The following TENM2 variants were observed in gnomAD, a reference collection of about 807,000 sequenced individuals.
TENM2 encodes the protein teneurin transmembrane protein 2.
TENM2 carries 52 observed loss-of-function variants against 245.2 expected under a neutral mutation model. The ratio of observed to expected loss-of-function variants is 0.21; its 90% CI spans 0.17 to 0.27. The LOEUF (loss-of-function observed/expected upper bound fraction) is 0.27. TENM2 is among the 10% of genes least tolerant of loss of function. The pLI is 1.00. For missense variants in TENM2, 3,046 were observed against 3,666.8 expected (o/e 0.83, Z 4.37); for synonymous variants, 1,363 against 1,438.9 (o/e 0.95, Z 1.19).
At chr5:167,132,589 C>T in the TENM2 span, among the ~76,000 whole-genome samples, 5 of 152,090 alleles carry the variant, frequency 3.3e-5, no homozygotes, top group East Asian at 1.9e-4. Context: ...ATCAGGAAGG[C>T]GGAAGAAGTC....
chr5:167,166,334 A>G, the TENM2 span, among the ~76,000 whole-genome samples: 3 of 152,118 alleles, frequency 2.0e-5, no homozygotes, highest in African/African-American at 7.2e-5. Context: ...CAATGCCTAC[A>G]TATTTGGTTT....
chr5:167,379,627 C>G (rs1378636890), intron 2 of TENM2, among the ~76,000 whole-genome samples: 1 of 152,076 alleles, frequency 6.6e-6, no homozygotes, highest in African/African-American at 2.4e-5. Flanking sequence ...ATAACCCACT[C>G]TACTCCTTTC....
intron 2 of TENM2, among the ~76,000 whole-genome samples, chr5:167,775,167 C>T (rs140698012): frequency 0.016 from 2,413 of 152,220 alleles, 71 homozygotes; most frequent in East Asian, 0.14. Flanking sequence ...GGGGTTTCTC[C>T]ATGTTGGCCA....
intron 2 of TENM2, among the ~76,000 whole-genome samples, chr5:167,472,129 G>A (rs1767065760): frequency 6.6e-6 from 1 of 151,980 alleles, no homozygotes; most frequent in Non-Finnish European, 1.5e-5. Flanking sequence ...GACACTTCCT[G>A]CAATTTTTGT....
At chr5:167,028,425 A>C in the TENM2 span, among the ~76,000 whole-genome samples, 1 of 152,072 alleles carries the variant, frequency 6.6e-6, no homozygotes, top group Non-Finnish European at 1.5e-5. Flanking sequence ...AGAGATAGTA[A>C]TTTAATGTTG....
At chr5:168,207,140 A>C (rs968997183) in intron 19 of TENM2, among the ~76,000 whole-genome samples, 1 of 152,088 alleles carries the variant, frequency 6.6e-6, no homozygotes, top group Non-Finnish European at 1.5e-5. Context: ...CCTTGTTGTC[A>C]TTATCTCCAT....
the TENM2 span, among the ~76,000 whole-genome samples, chr5:166,982,360 T>C: frequency 6.6e-6 from 1 of 152,198 alleles, no homozygotes. Flanking sequence ...TGCTATTTTT[T>C]CATTGTGCAA....
intron 2 of TENM2, among the ~76,000 whole-genome samples, chr5:167,705,469 T>C (rs990766066): frequency 1.3e-5 from 2 of 152,204 alleles, no homozygotes; most frequent in Admixed American, 1.3e-4. Context: ...ATGATTAACC[T>C]GTGGCTGTAT....
intron 4 of TENM2, among the ~76,000 whole-genome samples, chr5:167,970,188 G>A (rs868054716): frequency 2.6e-5 from 4 of 152,148 alleles, no homozygotes; most frequent in Admixed American, 1.3e-4. Flanking sequence ...ATAAGAAGTC[G>A]AAAAAATTAA....
intron 2 of TENM2, among the ~76,000 whole-genome samples, chr5:167,845,628 C>G (rs1442409694): frequency 6.6e-6 from 1 of 152,026 alleles, no homozygotes; most frequent in Non-Finnish European, 1.5e-5. Context: ...AATATGTACC[C>G]CACTGAAGGC....
intron 2 of TENM2, among the ~76,000 whole-genome samples, chr5:167,592,148 G>A (rs374970875): frequency 1.3e-5 from 2 of 152,172 alleles, no homozygotes; most frequent in Non-Finnish European, 2.9e-5. Context: ...GAATTAAAAC[G>A]ATATCAAAGT....
At chr5:167,649,522 AAC>A (rs150826052) in intron 2 of TENM2, among the ~76,000 whole-genome samples, 5 of 152,054 alleles carry the variant, frequency 3.3e-5, no homozygotes, top group African/African-American at 7.2e-5. Context: ...GAAAAAGAAA[AAC>A]ACACACACAC....
At chr5:167,588,160 C>A (rs757557243) in intron 2 of TENM2, among the ~76,000 whole-genome samples, 4 of 152,184 alleles carry the variant, frequency 2.6e-5, no homozygotes, top group Non-Finnish European at 4.4e-5. Flanking sequence ...CATGAACGTG[C>A]AACATAACTG....
intron 2 of TENM2, among the ~76,000 whole-genome samples, chr5:167,765,748 C>T (rs925903315): frequency 6.6e-6 from 1 of 152,188 alleles, no homozygotes; most frequent in African/African-American, 2.4e-5. Context: ...GCCGAAGATG[C>T]ACAGAGCCTG....
intron 2 of TENM2, among the ~76,000 whole-genome samples, chr5:167,831,443 G>A (rs1768476350): frequency 1.3e-5 from 2 of 148,332 alleles, no homozygotes; most frequent in South Asian, 2.1e-4. Context: ...GAAAGAAGAC[G>A]ACCACCAAGC....
intron 2 of TENM2, among the ~76,000 whole-genome samples, chr5:167,725,859 T>C (rs1486310389): frequency 1.3e-5 from 2 of 152,150 alleles, no homozygotes; most frequent in Admixed American, 6.6e-5. Context: ...CTTCCTCTAC[T>C]CTACTTTAGC....
the TENM2 span, among the ~76,000 whole-genome samples, chr5:167,059,502 G>T: frequency 1.3e-5 from 2 of 152,076 alleles, no homozygotes; most frequent in Non-Finnish European, 2.9e-5. Context: ...ATCATACTTT[G>T]TAGTGGATAG....
chr5:167,933,611 G>GT (rs1271090973), intron 3 of TENM2, among the ~76,000 whole-genome samples: 2 of 152,086 alleles, frequency 1.3e-5, no homozygotes, highest in East Asian at 3.9e-4. Context: ...CAGACAGTGA[G>GT]TTGGGTTTGT....
At chr5:168,199,751 C>A in intron 16 of TENM2, 113 bp from the exon 19 acceptor site, 1 of 1,153,688 alleles carries the variant, frequency 8.7e-7, no homozygotes, top group Non-Finnish European at 1.2e-6. Flanking sequence ...TTCTTGCACC[C>A]ACATAAGATG....
Sources: allele counts gnomAD v4.1 joint callset (sites outside exome capture counted in the v4.1 genomes callset), GRCh38; gene constraint gnomAD v4.1.1; transcripts MANE v1.5; gene names NCBI Gene and HGNC (gene_info 2026-07-23, HGNC 2026-07-21).